MAGI2: variants seen among roughly 807,000 people sequenced by gnomAD.
The protein encoded by MAGI2 is membrane associated guanylate kinase, WW and PDZ domain containing 2.
In MAGI2, 35 loss-of-function variants were observed where a neutral mutation model predicts 133.3. The observed-to-expected ratio is 0.26, with a 90% CI of 0.20 to 0.35. The LOEUF (loss-of-function observed/expected upper bound fraction) is 0.35. Ranked by LOEUF, MAGI2 falls within the 10% of genes least tolerant of loss-of-function variation. The pLI is 1.00. For missense variants in MAGI2, 1,636 were observed against 1,863.4 expected (o/e 0.88, Z 2.25); for synonymous variants, 729 against 710.6 (o/e 1.03, Z -0.41).
At chr7:78,410,249 G>A (rs1797750804) in intron 6 of MAGI2, among the ~76,000 whole-genome samples, 1 of 152,014 alleles carries the variant, frequency 6.6e-6, no homozygotes, top group Non-Finnish European at 1.5e-5. Flanking sequence ...TACAGAATAA[G>A]CGGGATTAAA....
chr7:78,019,840 G>A lies in MAGI2; in HGVS notation c.3843C>T (p.Ser1281=). ...GTTTGATATCCCAAGTTGGGCCTGG[G>A]CTTATCTGGTGGGAAGGGTCGGAGG... ...APPSDPSHQI[S]PGPTWDIKRE... The change falls in exon 22 of 22, where the codon AGC becomes AGT. Residue 1281 remains serine (S), a synonymous_variant. Transcript: ENST00000354212. 3 of 1,613,636 alleles carry A rather than the reference G, an allele frequency of 1.9e-6. No individual in the cohort carries two copies. The highest frequency in any genetic ancestry group is 1.1e-5 in the South Asian group (1 of 91,062).
intron 3 of MAGI2, among the ~76,000 whole-genome samples, chr7:78,609,500 G>A (rs1584829010): frequency 6.6e-6 from 1 of 152,230 alleles, no homozygotes; most frequent in East Asian, 1.9e-4. Flanking sequence ...AAAATAAAAT[G>A]AAGGTATTTT....
chr7:78,082,957 A>T (rs942228420), intron 20 of MAGI2, among the ~76,000 whole-genome samples: 1 of 152,014 alleles, frequency 6.6e-6, no homozygotes, highest in African/African-American at 2.4e-5. Flanking sequence ...TAAATTTGGG[A>T]TGTGATCTCT....
intron 1 of MAGI2, among the ~76,000 whole-genome samples, chr7:79,165,578 T>C (rs1585092687): frequency 1.3e-5 from 2 of 152,094 alleles, no homozygotes; most frequent in African/African-American, 4.8e-5. Context: ...ATCAGATCCA[T>C]GGCCAACCTG....
intron 20 of MAGI2, among the ~76,000 whole-genome samples, chr7:78,114,916 C>T (rs1033900998): frequency 1.3e-5 from 2 of 152,208 alleles, no homozygotes; most frequent in African/African-American, 4.8e-5. Flanking sequence ...TGTGGACACA[C>T]TGTGAGAGGG....
intron 9 of MAGI2, among the ~76,000 whole-genome samples, chr7:78,286,823 A>G (rs534315677): frequency 3.3e-5 from 5 of 152,312 alleles, no homozygotes; most frequent in African/African-American, 1.2e-4. Context: ...TGGTGGGGAT[A>G]AGTATGAAAT....
intron 6 of MAGI2, among the ~76,000 whole-genome samples, chr7:78,430,265 TA>T (rs1328945775): frequency 2.0e-4 from 29 of 144,180 alleles, no homozygotes; most frequent in African/African-American, 7.4e-4. Flanking sequence ...TTTTTTTTTT[TA>T]ATAAGAGGGG....
chr7:79,124,877 C>A, intron 1 of MAGI2: 1 of 233,494 alleles, frequency 4.3e-6, no homozygotes, highest in East Asian at 1.2e-4. Flanking sequence ...AACAAGAAAT[C>A]CAAACACCAA....
chr7:79,130,659 T>C (rs1820852590), intron 1 of MAGI2, among the ~76,000 whole-genome samples: 1 of 152,220 alleles, frequency 6.6e-6, no homozygotes, highest in Non-Finnish European at 1.5e-5. Context: ...TGAATTGTGG[T>C]GAGGATTAAA....
At chr7:79,380,769 AC>A (rs1401025559) in intron 1 of MAGI2, among the ~76,000 whole-genome samples, 2 of 151,790 alleles carry the variant, frequency 1.3e-5, no homozygotes, top group Non-Finnish European at 2.9e-5. Flanking sequence ...GAACTCAGAA[AC>A]TCAGATTAAG....
At chr7:78,177,420 A>G (rs576471827) in intron 14 of MAGI2, among the ~76,000 whole-genome samples, 569 of 15,986 alleles carry the variant, frequency 0.036, 5 homozygotes, top group South Asian at 0.22. Flanking sequence ...GAATACGCGC[A>G]CACACACACA....
At chr7:79,263,234 G>T (rs879516618) in intron 1 of MAGI2, among the ~76,000 whole-genome samples, 5 of 152,160 alleles carry the variant, frequency 3.3e-5, no homozygotes, top group African/African-American at 1.2e-4. Context: ...GACCTTCTAC[G>T]GTAAGGCACT....
chr7:79,295,708 G>A (rs1054384436), intron 1 of MAGI2, among the ~76,000 whole-genome samples: 16 of 151,976 alleles, frequency 1.1e-4, no homozygotes, highest in African/African-American at 3.4e-4. Context: ...CTAGCTTTAC[G>A]AAAGCAGGAA....
intron 7 of MAGI2, among the ~76,000 whole-genome samples, chr7:78,366,083 T>C (rs1793349616): frequency 6.6e-6 from 1 of 152,148 alleles, no homozygotes; most frequent in Non-Finnish European, 1.5e-5. Context: ...GTACCTCCAA[T>C]TGTATGAATG....
At chr7:79,153,993 A>G (rs574020365) in intron 1 of MAGI2, among the ~76,000 whole-genome samples, 57 of 152,322 alleles carry the variant, frequency 3.7e-4, no homozygotes, top group South Asian at 6.2e-4. Flanking sequence ...TCTATCAATT[A>G]CTTTTAAATA....
intron 6 of MAGI2, among the ~76,000 whole-genome samples, chr7:78,429,557 C>A (rs887214469): frequency 3.9e-5 from 6 of 152,112 alleles, no homozygotes; most frequent in Non-Finnish European, 8.8e-5. Context: ...TCACACCACA[C>A]AATTTAAAAA....
chr7:78,148,164 A>G (rs1358085784), intron 16 of MAGI2, among the ~76,000 whole-genome samples: 1 of 152,224 alleles, frequency 6.6e-6, no homozygotes, highest in Non-Finnish European at 1.5e-5. Flanking sequence ...GGGAATGGAT[A>G]AGCAAACTAT....
At chr7:78,191,319 T>C (rs1457896701) in intron 12 of MAGI2, among the ~76,000 whole-genome samples, 1 of 152,210 alleles carries the variant, frequency 6.6e-6, no homozygotes, top group Non-Finnish European at 1.5e-5. Context: ...TGATTGAATA[T>C]GAATTTTCAC....
intron 1 of MAGI2, among the ~76,000 whole-genome samples, chr7:79,430,834 A>G (rs1360847690): frequency 6.6e-6 from 1 of 152,214 alleles, no homozygotes; most frequent in Non-Finnish European, 1.5e-5. Flanking sequence ...CTTACTTCCA[A>G]ACTATGCCAT....
Sources: gnomAD v4.1 joint callset for allele counts (sites outside exome capture counted in the v4.1 genomes callset) on GRCh38, gnomAD v4.1.1 for gene constraint, MANE v1.5 for transcripts, NCBI Gene and HGNC (gene_info 2026-07-23, HGNC 2026-07-21) for gene names.